Variants in CLIC5 observed in about 807,000 individuals in gnomAD.
The protein encoded by CLIC5 is CLIC family member 5.
In CLIC5, 20 loss-of-function variants were observed where a neutral mutation model predicts 24.7. The observed-to-expected ratio is 0.81, with a 90% CI of 0.57 to 1.18. The LOEUF (loss-of-function observed/expected upper bound fraction) is 1.18. Among genes scored for constraint, CLIC5 ranks in the 50% most tolerant of loss-of-function variants. The probability of loss-of-function intolerance (pLI) is 0.00; values close to 1 mark genes in which losing one functional copy is unlikely to be tolerated. For missense variants in CLIC5, 341 were observed against 326.1 expected (o/e 1.05, Z -0.35); for synonymous variants, 159 against 135.6 (o/e 1.17, Z -1.20).
chr6:45,924,094 TACAAAAAAAGCA>T (rs1351321661), intron 4 of CLIC5, among the ~76,000 whole-genome samples: 1 of 152,114 alleles, frequency 6.6e-6, no homozygotes, highest in African/African-American at 2.4e-5. Flanking sequence ...AAACAAAGCA[TACAAAAAAAGCA>T]ACAAAAAATT....
chr6:45,986,600 T>G (rs1765746141), intron 1 of CLIC5, among the ~76,000 whole-genome samples: 1 of 152,206 alleles, frequency 6.6e-6, no homozygotes, highest in African/African-American at 2.4e-5. Flanking sequence ...TTTAAACTTT[T>G]TTTTCTATAG....
chr6:45,894,659 T>C (rs1762378782), downstream of CLIC5, among the ~76,000 whole-genome samples: 1 of 152,188 alleles, frequency 6.6e-6, no homozygotes, highest in African/African-American at 2.4e-5. Flanking sequence ...AAGAAGAACA[T>C]CTTCTTGACA....
chr6:46,023,409 A>T (rs760518386), intron 1 of CLIC5, among the ~76,000 whole-genome samples: 3 of 152,208 alleles, frequency 2.0e-5, no homozygotes, highest in Non-Finnish European at 4.4e-5. Flanking sequence ...TAAACAACAG[A>T]GCTGGAACTC....
intron 1 of CLIC5, among the ~76,000 whole-genome samples, chr6:45,957,656 T>C (rs1390489544): frequency 6.6e-6 from 1 of 152,240 alleles, no homozygotes; most frequent in Non-Finnish European, 1.5e-5. Flanking sequence ...TAATCTTGTA[T>C]TAAACTATGA....
At chr6:46,053,026 T>G (rs1395304025) in intron 1 of CLIC5, among the ~76,000 whole-genome samples, 3 of 151,762 alleles carry the variant, frequency 2.0e-5, no homozygotes, top group African/African-American at 7.3e-5. Flanking sequence ...AAATGAAAAA[T>G]TTAATAGAAG....
intron 4 of CLIC5, among the ~76,000 whole-genome samples, chr6:45,939,304 C>T (rs1459776922): frequency 6.8e-6 from 1 of 146,848 alleles, no homozygotes; most frequent in Non-Finnish European, 1.5e-5. Context: ...ACCTTCGCCT[C>T]CTGGGTTCAA....
intron 1 of CLIC5, among the ~76,000 whole-genome samples, chr6:45,992,133 A>G (rs985567381): frequency 6.6e-6 from 1 of 152,336 alleles, no homozygotes; most frequent in African/African-American, 2.4e-5. Flanking sequence ...ATTCTAACCT[A>G]CCATCTTCAA....
At chr6:45,947,060 A>C (rs1764312430) in intron 3 of CLIC5, among the ~76,000 whole-genome samples, 1 of 152,214 alleles carries the variant, frequency 6.6e-6, no homozygotes, top group South Asian at 2.1e-4. Context: ...GGGAGGGTCC[A>C]CATCCAGCCC....
the CLIC5 span, among the ~76,000 whole-genome samples, chr6:46,121,876 G>A: frequency 1.3e-5 from 2 of 152,246 alleles, no homozygotes; most frequent in Admixed American, 6.5e-5. Flanking sequence ...AACAAGAAGA[G>A]CTAACTATCC....
intron 6 of CLIC5, among the ~76,000 whole-genome samples, chr6:45,886,166 G>T (rs547765388): frequency 6.6e-6 from 1 of 152,304 alleles, no homozygotes; most frequent in African/African-American, 2.4e-5. Context: ...AAATGGGTTG[G>T]TCGGTGGTCC....
At chr6:46,108,889 T>G in the CLIC5 span, among the ~76,000 whole-genome samples, 2 of 152,112 alleles carry the variant, frequency 1.3e-5, no homozygotes, top group Non-Finnish European at 2.9e-5. Flanking sequence ...TAAAATTAAC[T>G]TTTTGTATAT....
chr6:46,069,189 T>C (rs1236887454), intron 1 of CLIC5, among the ~76,000 whole-genome samples: 1 of 152,064 alleles, frequency 6.6e-6, no homozygotes, highest in African/African-American at 2.4e-5. Flanking sequence ...AGTAATGAAG[T>C]CTTAGCTAAA....
intron 1 of CLIC5, among the ~76,000 whole-genome samples, chr6:45,985,743 C>A (rs1765713184): frequency 6.6e-6 from 1 of 152,154 alleles, no homozygotes; most frequent in South Asian, 2.1e-4. Context: ...AAAGGTCATC[C>A]TCCTTCCAGT....
downstream of CLIC5, among the ~76,000 whole-genome samples, chr6:45,897,048 A>G (rs1040410113): frequency 1.2e-4 from 19 of 152,202 alleles, no homozygotes; most frequent in Admixed American, 1.1e-3. Flanking sequence ...GACCAGTTTC[A>G]GGGTTTGTTG....
chr6:45,906,257 T>C (rs962697246), intron 5 of CLIC5, among the ~76,000 whole-genome samples: 4 of 152,186 alleles, frequency 2.6e-5, no homozygotes, highest in Admixed American at 2.6e-4. Context: ...AAAATGACAT[T>C]GGTAGATTGA....
chr6:45,955,684 A>G (rs1017999446), intron 1 of CLIC5, among the ~76,000 whole-genome samples: 2 of 152,020 alleles, frequency 1.3e-5, no homozygotes, highest in Non-Finnish European at 2.9e-5. Context: ...ACAATTAGAA[A>G]TGCTTTCCTT....
At chr6:46,007,918 T>TCTTTTTC (rs1766647134) in intron 1 of CLIC5, among the ~76,000 whole-genome samples, 1 of 150,804 alleles carries the variant, frequency 6.6e-6, no homozygotes, top group South Asian at 2.1e-4. Context: ...TCTTTTTCTT[T>TCTTTTTC]TTTTTTTTTT....
rs115982467 is a variant in CLIC5 at position 45,922,026 on chromosome 6, C to T, written c.407-7617G>A. On this transcript the variant is annotated intron_variant, in intron 4 of 5. Transcript: ENST00000339561. ...ACAGGAAAGGCAGAAAGACAAACAG[C>T]GGTTTATGAGAAAGCAAAATGCAAT... Among the ~76,000 whole-genome samples the T allele has an allele frequency of 2.8e-3, 422 of 152,268 alleles. 2 individuals are homozygous for T. The highest frequency in any genetic ancestry group is 9.7e-3 in the African/African-American group (405 of 41,540).
At position 46,006,093 on chromosome 6, in the gene CLIC5, CATAT is replaced by C. The variant is rs1243138730; in HGVS notation, c.63+9383_63+9386del. On this transcript the variant is annotated intron_variant, in intron 1 of 5. Coordinates refer to ENST00000339561, the MANE Select transcript of CLIC5 (RefSeq NM_016929.5). ...ATATATATATACACATGTATAAATA[CATAT>C]ATATATATATATATACACATGTATA... 4.2e-4 allele frequency among the ~76,000 whole-genome samples: 40 copies of C among 94,784 alleles called. 1 individual carries two copies. Among genetic ancestry groups the C allele is most frequent in the East Asian group, 2.6e-3 (7 of 2,650 alleles). The allele number at this position is 94,784 out of a possible 152,430, so 62.2% of individuals were successfully genotyped here. A position where few individuals can be genotyped will look rare whatever the true frequency, so the allele number is the denominator to read the frequency against.
Sources: gnomAD v4.1 joint callset for allele counts (sites outside exome capture counted in the v4.1 genomes callset) on GRCh38, gnomAD v4.1.1 for gene constraint, MANE v1.5 for transcripts, NCBI Gene and HGNC (gene_info 2026-07-23, HGNC 2026-07-21) for gene names.